The following ART3 variants were observed in gnomAD, a reference collection of about 807,000 sequenced individuals.
The protein encoded by ART3 is ADP-ribosyltransferase 3 (inactive).
A neutral mutation model predicts 48.5 loss-of-function variants in ART3; 49 were observed. The ratio of observed to expected loss-of-function variants is 1.01; its 90% CI spans 0.80 to 1.28. The LOEUF (loss-of-function observed/expected upper bound fraction) is 1.28. Ranked by LOEUF, ART3 falls within the 50% of genes most tolerant of loss-of-function variation. The pLI, the probability that ART3 is intolerant of heterozygous loss-of-function variation, is 0.00. For missense variants in ART3, 438 were observed against 454.3 expected, an observed-to-expected ratio of 0.96 and a Z score of 0.33; for synonymous variants, 145 against 157.2, an observed-to-expected ratio of 0.92 and a Z score of 0.58.
chr4:76,066,902 G>A (rs1309638190), intron 1 of ART3, among the ~76,000 whole-genome samples: 1 of 152,196 alleles, frequency 6.6e-6, no homozygotes, highest in Admixed American at 6.5e-5. Context: ...AGTGGGAGCA[G>A]GCACTTTTAA....
chr4:76,050,733 C>T (rs565418518), intron 1 of ART3, among the ~76,000 whole-genome samples: 1 of 152,196 alleles, frequency 6.6e-6, no homozygotes, highest in Admixed American at 6.5e-5. Flanking sequence ...GAGGCTCGGG[C>T]CACACAGGAG....
chr4:76,038,145 A>G (rs1734611100), intron 1 of ART3, among the ~76,000 whole-genome samples: 1 of 152,180 alleles, frequency 6.6e-6, no homozygotes, highest in Admixed American at 6.5e-5. Context: ...ATCCCATCAC[A>G]TAGACATTTT....
At chr4:76,110,144 TA>T (rs1729206909) in intron 11 of ART3, among the ~76,000 whole-genome samples, 1 of 152,138 alleles carries the variant, frequency 6.6e-6, no homozygotes, top group Non-Finnish European at 1.5e-5. Context: ...GATTAGTGTT[TA>T]AAAAACAATG....
At chr4:76,048,960 T>G (rs923906161) in intron 1 of ART3, among the ~76,000 whole-genome samples, 1 of 151,922 alleles carries the variant, frequency 6.6e-6, no homozygotes, top group African/African-American at 2.4e-5. Flanking sequence ...GAAGGGATCT[T>G]CAGGGTTGGA....
chr4:76,103,787 A>C, intron 8 of ART3, 150 bp from the exon 9 acceptor site: 1 of 632,534 alleles, frequency 1.6e-6, no homozygotes, highest in Non-Finnish European at 2.6e-6. Context: ...AGCCATTGAA[A>C]GGTGTTTTTG....
intron 1 of ART3, among the ~76,000 whole-genome samples, chr4:76,019,032 A>AC (rs1732513930): frequency 6.8e-6 from 1 of 147,170 alleles, no homozygotes; most frequent in African/African-American, 2.6e-5. Context: ...ACAGAGTGAG[A>AC]CCCCATCTCA....
Position 76,086,369 on chromosome 4 carries a change from C to A in ART3, c.781+3834C>A, listed in dbSNP as rs185835408. Among the ~76,000 whole-genome samples the A allele has an allele frequency of 1.2e-4, 18 of 152,076 alleles. No homozygotes were observed. In the East Asian group the frequency reaches 3.5e-3, roughly 29 times the overall value. On this transcript the variant is annotated intron_variant, in intron 3 of 11. Coordinates refer to ENST00000355810, the MANE Select transcript of ART3 (RefSeq NM_001130016.3). ...AGGACATTAGGCTAAGTGAAATAAG[C>A]CAGACACAGAAAGCTATTGCATGAT...
chr4:76,030,125 C>T (rs1414310107), intron 1 of ART3, among the ~76,000 whole-genome samples: 5 of 152,158 alleles, frequency 3.3e-5, no homozygotes, highest in African/African-American at 7.2e-5. Context: ...GACGCGATCT[C>T]GGCTCACTGC....
chr4:76,040,867 A>T (rs1050369389), intron 1 of ART3, among the ~76,000 whole-genome samples: 3 of 152,162 alleles, frequency 2.0e-5, no homozygotes, highest in African/African-American at 7.2e-5. Context: ...CTTGAACCAC[A>T]AAATAAGCCT....
intron 3 of ART3, among the ~76,000 whole-genome samples, chr4:76,090,853 T>C (rs957919522): frequency 1.3e-5 from 2 of 152,258 alleles, no homozygotes; most frequent in Non-Finnish European, 2.9e-5. Context: ...ATGAGCATTT[T>C]ACATTTGTTG....
Position 76,047,139 on chromosome 4 carries a change from TGTTTCTCATTGGACAATCTTTTTTAAA to T in ART3, c.-9-28739_-9-28713del, listed in dbSNP as rs1171882993. Among the ~76,000 whole-genome samples the T allele has an allele frequency of 2.0e-5, 3 of 151,984 alleles. No homozygotes were observed. The East Asian group carries it at 5.8e-4, about 29-fold the overall frequency. On this transcript the variant is annotated intron_variant, in intron 1 of 9. Transcript: ENST00000341029. ...AGTGGACATGGACGAGGGGGCAGCT[TGTTTCTCATTGGACAATCTTTTTTAAA>T]GTGTCCTAGTAAACCACACTGATAA...
At chr4:76,034,526 A>G (rs1480545211) in intron 1 of ART3, 1 of 521,026 alleles carries the variant, frequency 1.9e-6, no homozygotes, top group Admixed American at 3.9e-5. Flanking sequence ...TTCTTAAGGT[A>G]GCTTTTCCTA....
At chr4:76,026,964 T>C (rs1021833920) in intron 1 of ART3, among the ~76,000 whole-genome samples, 6 of 152,112 alleles carry the variant, frequency 3.9e-5, no homozygotes, top group Non-Finnish European at 5.9e-5. Flanking sequence ...TAAGAGAAAC[T>C]TTATGGGCCG....
chr4:76,050,284 T>C (rs1735930798), intron 1 of ART3, among the ~76,000 whole-genome samples: 1 of 152,078 alleles, frequency 6.6e-6, no homozygotes, highest in Non-Finnish European at 1.5e-5. Context: ...AGCTGAGTGG[T>C]CTGTTTTGAC....
At chr4:76,040,808 GA>G in intron 1 of ART3, among the ~76,000 whole-genome samples, 1 of 152,258 alleles carries the variant, frequency 6.6e-6, no homozygotes, top group East Asian at 1.9e-4. Flanking sequence ...AAATTATGCA[GA>G]GTAAGGAGAG....
At chr4:76,023,617 C>T in intron 1 of ART3, 1 of 522,140 alleles carries the variant, frequency 1.9e-6, no homozygotes, top group East Asian at 2.8e-5. Context: ...CTGGGGAAGT[C>T]CCATGTTGCA....
intron 1 of ART3, among the ~76,000 whole-genome samples, chr4:76,037,919 A>C (rs1395836190): frequency 6.6e-6 from 1 of 152,140 alleles, no homozygotes; most frequent in African/African-American, 2.4e-5. Context: ...TTTTTTGAGA[A>C]TTATCATTTG....
At chr4:76,050,753 G>T (rs28818603) in intron 1 of ART3, among the ~76,000 whole-genome samples, 33,119 of 152,170 alleles carry the variant, frequency 0.22, 4,108 homozygotes, top group East Asian at 0.4. Flanking sequence ...GCCCATGGAG[G>T]GGGTGGGAGG....
intron 1 of ART3, among the ~76,000 whole-genome samples, chr4:76,024,587 C>A (rs1170517335): frequency 6.6e-6 from 1 of 152,060 alleles, no homozygotes; most frequent in Non-Finnish European, 1.5e-5. Flanking sequence ...ACATGTTGAA[C>A]CTGAGAGTGG....
Sources: allele counts gnomAD v4.1 joint callset (sites outside exome capture counted in the v4.1 genomes callset), GRCh38; gene constraint gnomAD v4.1.1; transcripts MANE v1.5; gene names NCBI Gene and HGNC (gene_info 2026-07-23, HGNC 2026-07-21).